Variants in TNC observed in about 807,000 individuals in gnomAD.
TNC encodes the protein tenascin.
A neutral mutation model predicts 202.4 loss-of-function variants in TNC; 109 were observed. The ratio of observed to expected loss-of-function variants is 0.54; its 90% CI spans 0.46 to 0.63. The LOEUF is 0.63. Among genes scored for constraint, TNC ranks in the 30% least tolerant of loss-of-function variants. The probability of loss-of-function intolerance (pLI) is 0.00; values close to 1 mark genes in which losing one functional copy is unlikely to be tolerated. For synonymous variants in TNC, 1,007 were observed against 1,089.7 expected (o/e 0.92, Z 1.50); for missense variants, 2,756 against 2,833.3 (o/e 0.97, Z 0.62).
chr9:115,081,173 T>C (rs1359495955), intron 6 of TNC, among the ~76,000 whole-genome samples: 1 of 152,230 alleles, frequency 6.6e-6, no homozygotes, highest in Admixed American at 6.5e-5. Context: ...GATGTTAAAG[T>C]GATTTAGCTT....
chr9:115,097,258 T>C (rs892295593), intron 1 of TNC, among the ~76,000 whole-genome samples: 2 of 152,202 alleles, frequency 1.3e-5, no homozygotes, highest in Non-Finnish European at 1.5e-5. Context: ...TGGAGATACA[T>C]ATGTCTATCT....
Position 115,081,810 on chromosome 9 carries a change from T to C in TNC, c.2366A>G (p.Asn789Ser). ...CCTCTTCAGGCCAGGGCCCCGGGTA[T>C]TGTTTTTCACTATGTGCAGAGATAT... is the stretch of plus-strand genomic sequence containing the variant. ...YEISLHIVKN[N>S]TRGPGLKRVT... is the part of the protein sequence containing the mutation. Residue 789 changes from asparagine to serine, a missense_variant, in exon 6 of 28, where the codon AAT (asparagine) becomes AGT (serine). By Grantham distance (46) the Asn-to-Ser change is conservative (BLOSUM62 1). Around this residue, in one of 2 missense-constraint regions of TNC, gnomAD observed 2,559 missense variants for 2,546.0 expected, o/e 1.01. Coordinates refer to ENST00000350763, the MANE Select transcript of TNC (RefSeq NM_002160.4). The C allele has an allele frequency of 1.2e-6, 2 of 1,613,640 alleles. No individual in the cohort carries two copies. The highest frequency in any genetic ancestry group is 1.1e-5 in the South Asian group (1 of 90,972).
intron 15 of TNC, among the ~76,000 whole-genome samples, chr9:115,049,183 A>C (rs1376702291): frequency 1.3e-5 from 2 of 152,136 alleles, no homozygotes; most frequent in African/African-American, 4.8e-5. Context: ...AAACAAGAAC[A>C]CATCTGGGTC....
At chr9:115,102,698 T>C (rs968343365) in intron 1 of TNC, among the ~76,000 whole-genome samples, 4 of 152,374 alleles carry the variant, frequency 2.6e-5, no homozygotes, top group African/African-American at 9.6e-5. Flanking sequence ...TAATTCTAGA[T>C]TGTATTTATA....
intron 1 of TNC, among the ~76,000 whole-genome samples, chr9:115,102,485 A>G (rs776935069): frequency 4.6e-5 from 7 of 152,234 alleles, no homozygotes; most frequent in African/African-American, 1.4e-4. Context: ...CCATCTCTGC[A>G]TGAATAAATC....
At chr9:115,093,620 C>CT (rs71375270) in intron 1 of TNC, among the ~76,000 whole-genome samples, 15,950 of 133,180 alleles carry the variant, frequency 0.12, 886 homozygotes, top group Middle Eastern at 0.17. Context: ...CAATTCTTAG[C>CT]TTTTTTTTTT....
chr9:115,029,853 C>T (rs1188473213), intron 24 of TNC, among the ~76,000 whole-genome samples: 1 of 152,150 alleles, frequency 6.6e-6, no homozygotes, highest in Non-Finnish European at 1.5e-5. Flanking sequence ...TTCAAAAATA[C>T]ACTACCCAGC....
chr9:115,101,778 T>C (rs959958895), intron 1 of TNC, among the ~76,000 whole-genome samples: 5 of 152,168 alleles, frequency 3.3e-5, no homozygotes, highest in Non-Finnish European at 7.3e-5. Context: ...CTGGTATTAA[T>C]GCCAGCCTGA....
intron 7 of TNC, 144 bp downstream of exon 7, chr9:115,077,799 A>G (rs1833990203): frequency 2.3e-6 from 2 of 871,618 alleles, no homozygotes; most frequent in Non-Finnish European, 3.3e-6. Context: ...AATTGCTACA[A>G]TATTTTAAAA....
At chr9:115,050,707 C>T (rs1831577895) in intron 15 of TNC, among the ~76,000 whole-genome samples, 1 of 152,112 alleles carries the variant, frequency 6.6e-6, no homozygotes, top group Admixed American at 6.5e-5. Context: ...TGGGAGACAG[C>T]AGAAAGAACC....
At chr9:115,032,334 C>G (rs895564369) in intron 22 of TNC, among the ~76,000 whole-genome samples, 25 of 152,024 alleles carry the variant, frequency 1.6e-4, no homozygotes, top group African/African-American at 5.6e-4. Context: ...AGTGAGGAGC[C>G]CTGTAAGGTA....
chr9:115,093,247 A>G (rs187990931), intron 1 of TNC, among the ~76,000 whole-genome samples: 53 of 152,296 alleles, frequency 3.5e-4, no homozygotes, highest in Admixed American at 2.9e-3. Context: ...TACCTACCAC[A>G]TTCTAATTAT....
rs1757107 is a variant in TNC at position 115,083,124 on chromosome 9, G to A, written c.2132-317C>T. Among the ~76,000 whole-genome samples, 85,445 of 151,952 alleles carry A rather than the reference G, an allele frequency of 0.56. 24,376 individuals are homozygous for A. Among genetic ancestry groups the A allele is most frequent in the Middle Eastern group, 0.65 (192 of 294 alleles). ...ATGTGAACTTGAGCAATTGCACACA[G>A]TGCTCTAAGCCTGAGTTTCTTCACT... is the stretch of plus-strand genomic sequence containing the variant. On this transcript the variant is annotated intron_variant, in intron 4 of 27. Coordinates refer to ENST00000350763, the MANE Select transcript of TNC (RefSeq NM_002160.4).
Position 115,086,680 on chromosome 9 carries a change from G to C in TNC, c.1051C>G (p.His351Asp). Residue 351 changes from histidine to aspartate, a missense_variant, in exon 3 of 28, where the codon CAC (histidine) becomes GAC (aspartate). Transcript: ENST00000350763. ...CGKPTCPHAC[H>D]TQGRCEEGQC... Reference sequence around the variant, plus strand: ...CCCTCCTCACACCGGCCCTGGGTGTGGCAGGCATGTGGGCAGGTGGGTTTC... The same window carrying C: ...CCCTCCTCACACCGGCCCTGGGTGTCGCAGGCATGTGGGCAGGTGGGTTTC... The C allele has an allele frequency of 2.5e-6, 4 of 1,614,134 alleles. No individual in the cohort carries two copies. Among genetic ancestry groups the C allele is most frequent in the Non-Finnish European group, 3.4e-6 (4 of 1,180,034 alleles).
chr9:115,100,967 C>T (rs764513503), intron 1 of TNC, among the ~76,000 whole-genome samples: 1 of 152,078 alleles, frequency 6.6e-6, no homozygotes, highest in Non-Finnish European at 1.5e-5. Context: ...TTGTAATGAT[C>T]TCCAGAGAGA....
At chr9:115,029,581 G>A in intron 24 of TNC, 125 bp from the exon 25 acceptor site, 2 of 951,538 alleles carry the variant, frequency 2.1e-6, no homozygotes, top group Non-Finnish European at 1.6e-6. Context: ...TCCCTAATTT[G>A]CTATGTAACT....
At chr9:115,074,952 C>T (rs1238813774) in intron 9 of TNC, among the ~76,000 whole-genome samples, 1 of 152,116 alleles carries the variant, frequency 6.6e-6, no homozygotes, top group Non-Finnish European at 1.5e-5. Context: ...CACAGGGGAT[C>T]TGTCTGTATG....
chr9:115,078,706 A>G lies in TNC; in HGVS notation c.2405-494T>C, dbSNP rs562424092. On this transcript the variant is annotated intron_variant, in intron 6 of 27. Transcript: ENST00000350763. ...AATAGACTGTCTTGACAGTGTATGG[A>G]AACTTATTTTTGATAGAAAGAATTC... is the stretch of plus-strand genomic sequence containing the variant. Among the ~76,000 whole-genome samples the G allele has an allele frequency of 1.7e-4, 26 of 152,262 alleles. No individual in the cohort carries two copies. The South Asian group carries it at 4.6e-3, about 27-fold the overall frequency.
At chr9:115,111,221 T>C (rs139378248) in intron 1 of TNC, among the ~76,000 whole-genome samples, 198 of 152,188 alleles carry the variant, frequency 1.3e-3, no homozygotes, top group African/African-American at 4.5e-3. Context: ...GGTGGCCCCA[T>C]TGATACTGCC....
Sources: gnomAD v4.1 joint callset for allele counts (sites outside exome capture counted in the v4.1 genomes callset) on GRCh38, gnomAD v4.1.1 for gene constraint, gnomAD v4.1.1 regional missense constraint, MANE v1.5 for transcripts, NCBI Gene and HGNC (gene_info 2026-07-23, HGNC 2026-07-21) for gene names.